Variants in NPTXR observed in about 807,000 individuals in gnomAD.
The protein encoded by NPTXR is neuronal pentraxin receptor.
NPTXR carries 12 observed loss-of-function variants against 32.2 expected under a neutral mutation model. The ratio of observed to expected loss-of-function variants is 0.37; its 90% CI spans 0.24 to 0.60. NPTXR has a LOEUF of 0.60. Ranked by LOEUF, NPTXR falls within the 20% of genes least tolerant of loss-of-function variation. The pLI, the probability that NPTXR is intolerant of heterozygous loss-of-function variation, is 0.66. For synonymous variants in NPTXR, 323 were observed against 315.8 expected, an observed-to-expected ratio of 1.02 and a Z score of -0.24; for missense variants, 612 against 682.9, an observed-to-expected ratio of 0.90 and a Z score of 1.16.
chr22:38,829,491 A>C (rs2093112839), intron 1 of NPTXR, among the ~76,000 whole-genome samples: 1 of 152,184 alleles, frequency 6.6e-6, no homozygotes, highest in South Asian at 2.1e-4. Flanking sequence ...AGTCTGTGGC[A>C]GACATGTCAC....
chr22:38,829,130 G>C (rs149768862), intron 1 of NPTXR, among the ~76,000 whole-genome samples: 236 of 152,350 alleles, frequency 1.5e-3, no homozygotes, highest in Middle Eastern at 3.4e-3. Flanking sequence ...ATGTGACTCT[G>C]AGAAAATATC....
intron 1 of NPTXR, among the ~76,000 whole-genome samples, chr22:38,841,433 G>T (rs777894868): frequency 3.3e-4 from 51 of 152,390 alleles, no homozygotes; most frequent in Non-Finnish European, 6.5e-4. Context: ...TGCTGCAGGT[G>T]CTGGGGGCAC....
chr22:38,838,573 A>ATTTT (rs139377592), intron 1 of NPTXR, among the ~76,000 whole-genome samples: 2 of 83,190 alleles, frequency 2.4e-5, no homozygotes, highest in African/African-American at 5.4e-5. Flanking sequence ...TCACCTGGCT[A>ATTTT]TTTTTTTTTT....
In NPTXR at chr22:38,843,160, GGACCGCCGGAC is replaced by G; in HGVS notation, c.624+64_624+74del. On this transcript the variant is annotated intron_variant, in intron 1 of 4. Coordinates refer to ENST00000333039, the MANE Select transcript of NPTXR (RefSeq NM_014293.4). This position sits in a 1 kb window ranked among gnomAD's most constrained non-coding sequence, Gnocchi z 5.3. The stretch of plus-strand genomic sequence containing the variant: ...CACAGACGGGAGACCGGAGGCTCGG[GGACCGCCGGAC>G]GACCGCGGCCGGGCGGCCCCTCACA... 1 of 1,224,014 alleles carries G rather than the reference GGACCGCCGGAC, an allele frequency of 8.2e-7. No individual in the cohort carries two copies. Among genetic ancestry groups the G allele is most frequent in the Non-Finnish European group, 1.0e-6 (1 of 976,052 alleles). The allele number at this position is 1,224,014 out of a possible 1,614,324, so 75.8% of individuals were successfully genotyped here.
Position 38,843,531 on chromosome 22 carries a change from C to A in NPTXR, c.328G>T (p.Gly110Trp). The A allele has an allele frequency of 1.6e-6, 2 of 1,257,776 alleles. No individual in the cohort carries two copies. Among genetic ancestry groups the A allele is most frequent in the East Asian group, 6.6e-5 (2 of 30,422 alleles). 77.9% of individuals were successfully genotyped at this position (1,257,776 alleles called of 1,614,324 possible). A position where few individuals can be genotyped will look rare whatever the true frequency, so the allele number is the denominator to read the frequency against. Reference sequence around the variant, plus strand: ...CCCGGCGCAGCGCCCGCCGCGTCCCCCTGCTGGGCCCCCGACGGGCAGGCA... The same window carrying A: ...CCCGGCGCAGCGCCCGCCGCGTCCCACTGCTGGGCCCCCGACGGGCAGGCA... Residue 110 changes from glycine to tryptophan, a missense_variant, in exon 1 of 5, where the codon GGG (glycine) becomes TGG (tryptophan). Gly to Trp is a radical substitution (Grantham distance 184). Coordinates refer to ENST00000333039, the MANE Select transcript of NPTXR (RefSeq NM_014293.4). This position sits in a 1 kb window ranked among gnomAD's most constrained non-coding sequence, Gnocchi z 5.3.
chr22:38,826,189 C>A (rs2093106353), intron 3 of NPTXR, among the ~76,000 whole-genome samples: 1 of 152,188 alleles, frequency 6.6e-6, no homozygotes, highest in African/African-American at 2.4e-5. Context: ...GCCCTGGGGG[C>A]AGACACCTCA....
At chr22:38,836,977 G>A (rs2093124947) in intron 1 of NPTXR, among the ~76,000 whole-genome samples, 1 of 152,092 alleles carries the variant, frequency 6.6e-6, no homozygotes, top group African/African-American at 2.4e-5. Flanking sequence ...ACCATGCCCG[G>A]CTAATTTTTT....
At chr22:38,828,178 C>T (rs1216213037) in intron 2 of NPTXR, 109 bp downstream of exon 2, 1 of 829,450 alleles carries the variant, frequency 1.2e-6, no homozygotes, top group Non-Finnish European at 2.0e-6. Flanking sequence ...GCCTCCTCCC[C>T]ACCCTCCAGT....
At chr22:38,830,427 A>G (rs745694557) in intron 1 of NPTXR, among the ~76,000 whole-genome samples, 83 of 152,214 alleles carry the variant, frequency 5.5e-4, no homozygotes, top group Non-Finnish European at 1.1e-3. Context: ...GACACCTTGC[A>G]AACATTCCCT....
Position 38,833,428 on chromosome 22 carries a change from CCT to C in NPTXR, c.625-4918_625-4917del, listed in dbSNP as rs561907383. Among the ~76,000 whole-genome samples the C allele has an allele frequency of 1.2e-4, 18 of 152,338 alleles. No individual in the cohort carries two copies. In the South Asian group the frequency reaches 1.5e-3, roughly 12 times the overall value. The stretch of plus-strand genomic sequence containing the variant: ...CCTCACCTCCCCCATCCAACCATCC[CCT>C]GAGTTCTGAGTCCTGCTAGGGCTCA... On this transcript the variant is annotated intron_variant, in intron 1 of 4. Transcript: ENST00000333039.
intron 1 of NPTXR, among the ~76,000 whole-genome samples, chr22:38,833,335 G>A (rs1404085898): frequency 2.6e-5 from 4 of 152,202 alleles, no homozygotes; most frequent in Admixed American, 6.5e-5. Context: ...ACCAGGGGCA[G>A]ACTGCAGGGG....
chr22:38,843,268 C>T lies in NPTXR; in HGVS notation c.591G>A (p.Val197=), dbSNP rs2093134303. The T allele has an allele frequency of 2.1e-6, 3 of 1,427,994 alleles. No individual in the cohort carries two copies. The highest frequency in any genetic ancestry group is 1.4e-5 in the South Asian group (1 of 71,042). The allele number at this position is 1,427,994 out of a possible 1,614,324, so 88.5% of individuals were successfully genotyped here. A position where few individuals can be genotyped will look rare whatever the true frequency, so the allele number is the denominator to read the frequency against. Residue 197 remains valine, a synonymous_variant, in exon 1 of 5, where the codon GTG becomes GTA. Transcript: ENST00000333039. The surrounding 1 kb of genome is among the most constrained non-coding windows in gnomAD (Gnocchi z 5.3). ...GGTCGATGCGGTCCCGCAGGGCGCG[C>T]ACGGCGTCCTCCAGCTCCAGAATGA...
chr22:38,838,738 T>C (rs953554783), intron 1 of NPTXR, among the ~76,000 whole-genome samples: 29 of 152,094 alleles, frequency 1.9e-4, no homozygotes, highest in African/African-American at 2.9e-4. Context: ...CCCGCCACCA[T>C]GCCTGGCTAA....
chr22:38,825,443 C>T (rs2093104886), intron 3 of NPTXR, among the ~76,000 whole-genome samples: 1 of 152,124 alleles, frequency 6.6e-6, no homozygotes, highest in South Asian at 2.1e-4. Flanking sequence ...GAGTAAACTG[C>T]TTATTAGCAC....
At chr22:38,830,012 T>C (rs142516790) in intron 1 of NPTXR, among the ~76,000 whole-genome samples, 330 of 152,288 alleles carry the variant, frequency 2.2e-3, no homozygotes, top group Non-Finnish European at 3.6e-3. Flanking sequence ...CCTTAACTTC[T>C]CTGAGCCTGT....
Position 38,843,643 on chromosome 22 carries a change from G to T in NPTXR, c.216C>A (p.Pro72=), listed in dbSNP as rs2093135352. 12 of 1,075,748 alleles carry T rather than the reference G, an allele frequency of 1.1e-5. No individual in the cohort carries two copies. The South Asian group carries it at 1.3e-4, about 12-fold the overall frequency. The allele number at this position is 1,075,748 out of a possible 1,614,324, so 66.6% of individuals were successfully genotyped here. The change falls in exon 1 of 5, where the codon CCC becomes CCA. Residue 72 remains proline, a synonymous_variant. Coordinates refer to ENST00000333039, the MANE Select transcript of NPTXR (RefSeq NM_014293.4). The surrounding 1 kb of genome is among the most constrained non-coding windows in gnomAD (Gnocchi z 5.3). ...TGGCCGCGGGTGCCCCGGGCAGCGC[G>T]GGGGGCCCGGCTGAACCGCCCGCGC...
rs961578738 is a variant in NPTXR, at chr22:38,822,558, T to C, written c.*51A>G. On this transcript the variant is annotated 3_prime_UTR_variant, in exon 5 of 5. Coordinates refer to ENST00000333039, the MANE Select transcript of NPTXR (RefSeq NM_014293.4). ...GGCTGAGGAGGGAATATGACCCCCC[T>C]CAAGTCCCCAAAGTGGCAGGCAAGG... 1.3e-6 allele frequency: 2 copies of C among 1,532,898 alleles called. No individual in the cohort carries two copies. The highest frequency in any genetic ancestry group is 1.9e-5 in the Admixed American group (1 of 53,902). The allele number at this position is 1,532,898 out of a possible 1,614,324, so 95.0% of individuals were successfully genotyped here.
chr22:38,827,312 C>A (rs946515947), intron 2 of NPTXR, among the ~76,000 whole-genome samples: 38 of 147,396 alleles, frequency 2.6e-4, no homozygotes, highest in African/African-American at 9.0e-4. Context: ...CAGCTCACTG[C>A]GACCTTCACC....
chr22:38,843,218 C>G lies in NPTXR; in HGVS notation c.624+17G>C. On this transcript the variant is annotated intron_variant, in intron 1 of 4. Transcript: ENST00000333039. This position sits in a 1 kb window ranked among gnomAD's most constrained non-coding sequence, Gnocchi z 5.3. ...CACACCACCCGGGCGGCTCCCCCGA[C>G]GGCGCGCGGCGCTCACCTCCAGGCG... 1 of 1,306,862 alleles carries G rather than the reference C, an allele frequency of 7.7e-7. No individual in the cohort carries two copies. The highest frequency in any genetic ancestry group is 9.7e-7 in the Non-Finnish European group (1 of 1,033,742). The allele number at this position is 1,306,862 out of a possible 1,614,324, so 81.0% of individuals were successfully genotyped here.
Sources: gnomAD v4.1 joint callset for allele counts (sites outside exome capture counted in the v4.1 genomes callset) on GRCh38, gnomAD v4.1.1 for gene constraint, Gnocchi (gnomAD v3.1) non-coding constraint, MANE v1.5 for transcripts, NCBI Gene and HGNC (gene_info 2026-07-23, HGNC 2026-07-21) for gene names.